WIPI2: variants seen among roughly 807,000 people sequenced by gnomAD.
WIPI2 encodes WD repeat domain, phosphoinositide interacting 2.
In WIPI2, 28 loss-of-function variants were observed where a neutral mutation model predicts 52.3. The ratio of observed to expected loss-of-function variants is 0.54; its 90% confidence interval spans 0.40 to 0.73. WIPI2 has a LOEUF of 0.73. Among genes scored for constraint, WIPI2 ranks in the 30% least tolerant of loss-of-function variants. WIPI2 has a pLI of 0.00. For synonymous variants in WIPI2, 268 were observed against 245.0 expected, an observed-to-expected ratio of 1.09 and a Z score of -0.88; for missense variants, 506 against 602.9, an observed-to-expected ratio of 0.84 and a Z score of 1.68.
Position 5,231,233 on chromosome 7 carries a change from C to G in WIPI2, c.*286C>G, listed in dbSNP as rs1783710343. 3.1e-6 allele frequency: 1 copy of G among 322,940 alleles called. No individual in the cohort carries two copies. Among genetic ancestry groups the G allele is most frequent in the East Asian group, 5.7e-5 (1 of 17,674 alleles). 20.0% of individuals were successfully genotyped at this position (322,940 alleles called of 1,614,324 possible). On this transcript the variant is annotated 3_prime_UTR_variant, in exon 13 of 13. Transcript: ENST00000288828. ...TGGTGAAGCCCGCAAAACCTCCTCG[C>G]TTTGCATGCATGAACGTGCCAAGCC... is the stretch of plus-strand genomic sequence containing the variant.
chr7:5,224,608 G>C (rs1300449464), intron 8 of WIPI2, among the ~76,000 whole-genome samples: 1 of 152,146 alleles, frequency 6.6e-6, no homozygotes, highest in Non-Finnish European at 1.5e-5. Flanking sequence ...AGCCAGGAGG[G>C]CTGACTGGTC....
chr7:5,201,051 G>T (rs548106732), intron 3 of WIPI2, among the ~76,000 whole-genome samples: 1 of 152,232 alleles, frequency 6.6e-6, no homozygotes, highest in Non-Finnish European at 1.5e-5. Flanking sequence ...GATAACATAG[G>T]TGTGAGCCAG....
At chr7:5,197,111 CAAAAAACAAAAAAAAAAAAAAAAAA>C (rs1362868501) in intron 2 of WIPI2, among the ~76,000 whole-genome samples, 3 of 56,428 alleles carry the variant, frequency 5.3e-5, no homozygotes, top group Non-Finnish European at 8.8e-5. Context: ...GACTCCGTCT[CAAAAAACAAAAAAAAAAAAAAAAAA>C]AAAAAAAAAA....
chr7:5,204,837 A>G (rs183872937), intron 3 of WIPI2, among the ~76,000 whole-genome samples: 2 of 152,258 alleles, frequency 1.3e-5, no homozygotes, highest in East Asian at 3.9e-4. Flanking sequence ...GCACACCACC[A>G]TGCCCAGCTA....
At chr7:5,219,039 T>C (rs2115287854) in intron 7 of WIPI2, 1 of 152,366 alleles carries the variant, frequency 6.6e-6, no homozygotes, top group Admixed American at 6.5e-5. Context: ...TTAGCTTTCC[T>C]GCCTGGGCCT....
At chr7:5,205,352 G>A (rs2115241889) in intron 3 of WIPI2, among the ~76,000 whole-genome samples, 1 of 152,338 alleles carries the variant, frequency 6.6e-6, no homozygotes, top group South Asian at 2.1e-4. Context: ...GCCTTTTGCA[G>A]AGCCACCTCT....
chr7:5,217,368 A>G (rs1782868096), intron 6 of WIPI2, 181 bp downstream of exon 6: 1 of 652,716 alleles, frequency 1.5e-6, no homozygotes, highest in Admixed American at 2.2e-5. Context: ...GCAGTGGTGC[A>G]GTCCTAGCTC....
rs1035845425 is a variant in WIPI2, at chr7:5,190,309, G to A, written c.-111G>A. On this transcript the variant is annotated 5_prime_UTR_variant, in exon 1 of 13. The change creates a new upstream start codon in the 5' untranslated region. Transcript: ENST00000288828. The stretch of plus-strand genomic sequence containing the variant: ...GCGGCGGTTGATCCCAGGGTGGCGA[G>A]TGGCGGCGACCGAGGCGGCGAGCGG... The A allele has an allele frequency of 5.2e-5, 34 of 648,960 alleles. No homozygotes were observed. Among genetic ancestry groups the A allele is most frequent in the Non-Finnish European group, 3.2e-5 (15 of 467,218 alleles). 40.2% of individuals were successfully genotyped at this position (648,960 alleles called of 1,614,324 possible).
Position 5,230,758 on chromosome 7 carries a change from C to T in WIPI2, c.1253-77C>T. 9.2e-7 allele frequency: 1 copy of T among 1,085,380 alleles called. No individual in the cohort carries two copies. The highest frequency in any genetic ancestry group is 1.3e-6 in the Non-Finnish European group (1 of 758,012). 67.2% of individuals were successfully genotyped at this position (1,085,380 alleles called of 1,614,324 possible). On this transcript the variant is annotated intron_variant, in intron 12 of 12. Transcript: ENST00000288828. This position sits in a 1 kb window ranked among gnomAD's most constrained non-coding sequence, Gnocchi z 4.8. ...TAAATATACACCAGTGTTTCCAAAACACAGTCCTCAGTGTGTGTCATGGGG... is the reference window on the plus strand; with the variant it reads ...TAAATATACACCAGTGTTTCCAAAATACAGTCCTCAGTGTGTGTCATGGGG...
intron 11 of WIPI2, 30 bp from the exon 12 acceptor site, chr7:5,229,578 C>T (rs369736104): frequency 1.0e-5 from 16 of 1,604,654 alleles, no homozygotes; most frequent in South Asian, 5.6e-5. Flanking sequence ...TGTGTGGAGA[C>T]GCTGAGCTGT....
intron 11 of WIPI2, 46 bp from the exon 12 acceptor site, chr7:5,229,562 C>G (rs1164759438): frequency 3.8e-6 from 6 of 1,594,174 alleles, no homozygotes; most frequent in East Asian, 2.3e-5. Flanking sequence ...GCCCGCAGGG[C>G]TGCCCTGTGT....
intron 4 of WIPI2, among the ~76,000 whole-genome samples, chr7:5,215,031 C>T (rs1273282316): frequency 6.6e-6 from 1 of 152,230 alleles, no homozygotes; most frequent in Non-Finnish European, 1.5e-5. Flanking sequence ...ATATATTTGG[C>T]CGAGCACAGT....
At chr7:5,202,939 A>T (rs916780711) in intron 3 of WIPI2, among the ~76,000 whole-genome samples, 1 of 152,210 alleles carries the variant, frequency 6.6e-6, no homozygotes, top group Non-Finnish European at 1.5e-5. Flanking sequence ...CAAAAGCTGC[A>T]CTGTGTGTTT....
rs766283186 is a variant in WIPI2 at position 5,229,713 on chromosome 7, C to G, written c.1227C>G (p.Tyr409Ter). Residue 409 changes from tyrosine to a stop codon, truncating the protein, a stop_gained, in exon 12 of 13, where the codon TAC becomes TAG. Transcript: ENST00000288828. LOFTEE classifies it high-confidence loss of function. ...TYGAAAGKGT[Y>*]VPSSPTRLAY... ...GCGCAGCTGCAGGAAAAGGTACTTACGTGCCTTCATCCCCAACGAGACTTG... is the reference window on the plus strand; with the variant it reads ...GCGCAGCTGCAGGAAAAGGTACTTAGGTGCCTTCATCCCCAACGAGACTTG... The G allele has an allele frequency of 1.2e-6, 2 of 1,614,014 alleles. No homozygotes were observed. Among genetic ancestry groups the G allele is most frequent in the Non-Finnish European group, 1.7e-6 (2 of 1,179,938 alleles).
chr7:5,212,640 C>T (rs1376216348), intron 3 of WIPI2, among the ~76,000 whole-genome samples: 2 of 152,176 alleles, frequency 1.3e-5, no homozygotes, highest in Non-Finnish European at 2.9e-5. Context: ...ATCAGGCACT[C>T]TTCCTACCTC....
chr7:5,213,837 C>T (rs1263408115), intron 3 of WIPI2, among the ~76,000 whole-genome samples: 1 of 152,166 alleles, frequency 6.6e-6, no homozygotes, highest in Admixed American at 6.5e-5. Flanking sequence ...AGGCGCCCGC[C>T]ACCACGCCTG....
At chr7:5,214,912 C>T (rs1782736732) in intron 4 of WIPI2, among the ~76,000 whole-genome samples, 1 of 152,268 alleles carries the variant, frequency 6.6e-6, no homozygotes, top group Admixed American at 6.5e-5. Context: ...ATGCCCGGGC[C>T]TCTGCCACAC....
intron 3 of WIPI2, among the ~76,000 whole-genome samples, chr7:5,202,341 C>T (rs185338230): frequency 1.3e-5 from 2 of 152,282 alleles, no homozygotes; most frequent in African/African-American, 4.8e-5. Flanking sequence ...TTGAAAGTTG[C>T]AGGAACTGCC....
chr7:5,204,609 T>A (rs1457787678), intron 3 of WIPI2, among the ~76,000 whole-genome samples: 2 of 152,198 alleles, frequency 1.3e-5, no homozygotes, highest in African/African-American at 4.8e-5. Flanking sequence ...CCTGAAAAGA[T>A]CTAGTCAGAT....
Sources: allele counts gnomAD v4.1 joint callset (sites outside exome capture counted in the v4.1 genomes callset), GRCh38; gene constraint gnomAD v4.1.1; non-coding constraint Gnocchi (gnomAD v3.1); transcripts MANE v1.5; gene names NCBI Gene and HGNC (gene_info 2026-07-23, HGNC 2026-07-21).